The following MAP3K2 variants were observed in gnomAD, a reference collection of about 807,000 sequenced individuals.
MAP3K2 encodes mitogen-activated protein kinase kinase kinase 2, also known as MAP/ERK kinase kinase 2.
Under a neutral mutation model 80.3 loss-of-function variants are expected in MAP3K2, and 24 were observed. That is an observed-to-expected ratio of 0.30 (90% confidence interval 0.22 to 0.42). MAP3K2 has a LOEUF of 0.42. Among genes scored for constraint, MAP3K2 ranks in the 10% least tolerant of loss-of-function variants. The pLI is 1.00. For synonymous variants in MAP3K2, 244 were observed against 253.7 expected, an observed-to-expected ratio of 0.96 and a Z score of 0.36; for missense variants, 608 against 750.1, an observed-to-expected ratio of 0.81 and a Z score of 2.21.
chr2:127,376,374 C>A (rs781307790), intron 1 of MAP3K2, among the ~76,000 whole-genome samples: 1 of 152,154 alleles, frequency 6.6e-6, no homozygotes, highest in Non-Finnish European at 1.5e-5. Flanking sequence ...TGACTCAAGG[C>A]CTTTGTCATT....
At chr2:127,323,862 T>A in intron 11 of MAP3K2, 40 bp downstream of exon 11, 3 of 1,019,878 alleles carry the variant, frequency 2.9e-6, no homozygotes, top group Non-Finnish European at 4.3e-6. Flanking sequence ...GTTGTTGAGA[T>A]TTTTTAACTA....
At chr2:127,326,578 T>G in intron 8 of MAP3K2, 109 bp downstream of exon 8, 2 of 702,070 alleles carry the variant, frequency 2.8e-6, no homozygotes, top group Non-Finnish European at 4.2e-6. Flanking sequence ...TAAGAAGATA[T>G]GTAATTAGAG....
intron 15 of MAP3K2, among the ~76,000 whole-genome samples, chr2:127,314,212 C>A (rs929655870): frequency 2.0e-5 from 3 of 152,158 alleles, no homozygotes; most frequent in Middle Eastern, 3.2e-3. Context: ...CATCAAAGCT[C>A]AGTTTGGGGC....
Position 127,300,396 on chromosome 2 carries a change from A to C in MAP3K2, c.*7183T>G, listed in dbSNP as rs576175728. On this transcript the variant is annotated 3_prime_UTR_variant, in exon 17 of 17. Transcript: ENST00000682094. ...ACATTTAGAGAGAAACCAATAGGTT[A>C]AATATAGAGAATTTAATGGCTACAT... The C allele has an allele frequency of 5.3e-5, 8 of 152,312 alleles. No individual in the cohort carries two copies. Among genetic ancestry groups the C allele is most frequent in the South Asian group, 2.1e-4 (1 of 4,826 alleles). 9.4% of individuals were successfully genotyped at this position (152,312 alleles called of 1,614,324 possible).
chr2:127,324,510 T>C (rs1032723543), intron 9 of MAP3K2, among the ~76,000 whole-genome samples: 1 of 152,238 alleles, frequency 6.6e-6, no homozygotes, highest in African/African-American at 2.4e-5. Context: ...TGTGTTTCAA[T>C]CCAAGCTCTG....
chr2:127,351,627 C>A (rs947975317), intron 1 of MAP3K2, among the ~76,000 whole-genome samples: 2 of 152,078 alleles, frequency 1.3e-5, no homozygotes, highest in Non-Finnish European at 2.9e-5. Context: ...CTACTCCAAG[C>A]CATAATCCTC....
chr2:127,379,477 T>C (rs1472490642), intron 1 of MAP3K2, among the ~76,000 whole-genome samples: 2 of 152,224 alleles, frequency 1.3e-5, no homozygotes, highest in African/African-American at 4.8e-5. Context: ...AAGCTCATAA[T>C]CTTAGCTATT....
intron 1 of MAP3K2, among the ~76,000 whole-genome samples, chr2:127,374,389 G>A (rs1239752681): frequency 6.6e-6 from 1 of 152,144 alleles, no homozygotes. Flanking sequence ...CAATGATCAA[G>A]CAGACCTACA....
intron 12 of MAP3K2, 51 bp from the exon 13 acceptor site, chr2:127,318,368 A>C (rs1685949439): frequency 1.4e-6 from 2 of 1,444,156 alleles, no homozygotes; most frequent in Non-Finnish European, 1.8e-6. Flanking sequence ...ACACAAATAA[A>C]TGGTTAATAA....
At chr2:127,314,200 T>A (rs1316263424) in intron 15 of MAP3K2, among the ~76,000 whole-genome samples, 2 of 151,960 alleles carry the variant, frequency 1.3e-5, no homozygotes, top group African/African-American at 4.8e-5. Context: ...ATAGTTGGGG[T>A]TCATCAAAGC....
At position 127,315,733 on chromosome 2, in the gene MAP3K2, G is replaced by GT. The variant is rs368679545; in HGVS notation, c.1327-851dup. On this transcript the variant is annotated intron_variant, in intron 14 of 16. Transcript: ENST00000682094. ...GAAGGCAGATCACCTGAGGTCAGGA[G>GT]TTCAAGACCAGCCTGGCCAACAGGG... 2.3e-3 allele frequency among the ~76,000 whole-genome samples: 354 copies of GT among 152,328 alleles called. 1 individual carries two copies. The highest frequency in any genetic ancestry group is 7.7e-3 in the African/African-American group (321 of 41,584).
chr2:127,374,435 T>C (rs555363144), intron 1 of MAP3K2, among the ~76,000 whole-genome samples: 39 of 152,266 alleles, frequency 2.6e-4, no homozygotes, highest in African/African-American at 9.1e-4. Flanking sequence ...GCCACCCAAT[T>C]GCAACAATTT....
intron 1 of MAP3K2, among the ~76,000 whole-genome samples, chr2:127,384,949 T>G (rs959231605): frequency 5.3e-5 from 8 of 152,152 alleles, no homozygotes; most frequent in South Asian, 2.1e-4. Context: ...GAAAGTGGCT[T>G]CTTGAGATGG....
At chr2:127,385,153 G>GT (rs1687321718) in intron 1 of MAP3K2, among the ~76,000 whole-genome samples, 1 of 152,208 alleles carries the variant, frequency 6.6e-6, no homozygotes, top group South Asian at 2.1e-4. Context: ...TTATCAAACA[G>GT]TATCACATGC....
Position 127,321,938 on chromosome 2 carries a change from G to C in MAP3K2, c.1045+108C>G. ...GAAACACCATTATTACCTTTTTTGA[G>C]TAGTTCATCTGACCCCAAAAACTCA... On this transcript the variant is annotated intron_variant, in intron 12 of 16. Transcript: ENST00000682094. This position sits in a 1 kb window ranked among gnomAD's most constrained non-coding sequence, Gnocchi z 4.4. The C allele has an allele frequency of 1.1e-6, 1 of 877,282 alleles. No individual in the cohort carries two copies. Among genetic ancestry groups the C allele is most frequent in the Non-Finnish European group, 1.8e-6 (1 of 556,536 alleles). 54.3% of individuals were successfully genotyped at this position (877,282 alleles called of 1,614,324 possible). A position where few individuals can be genotyped will look rare whatever the true frequency, so the allele number is the denominator to read the frequency against.
chr2:127,376,327 G>T (rs1014483438), intron 1 of MAP3K2, among the ~76,000 whole-genome samples: 4 of 151,998 alleles, frequency 2.6e-5, no homozygotes, highest in Non-Finnish European at 4.4e-5. Context: ...GGTGGGAAGG[G>T]GGGGAGCGCA....
Position 127,387,857 on chromosome 2 carries a change from T to TTCG in MAP3K2, c.-474_-472dup, listed in dbSNP as rs1687400724. 1 of 984,792 alleles carries TTCG rather than the reference T, an allele frequency of 1.0e-6. No homozygotes were observed. Among genetic ancestry groups the TTCG allele is most frequent in the Non-Finnish European group, 1.2e-6 (1 of 829,698 alleles). 61.0% of individuals were successfully genotyped at this position (984,792 alleles called of 1,614,324 possible). ...GGCGCCGAGCGTCCTGGTCGTTGTT[T>TTCG]TCGTCGCCGCCGCGGGCCGTGCAAC... On this transcript the variant is annotated 5_prime_UTR_variant, in exon 1 of 17. Coordinates refer to ENST00000682094, the MANE Select transcript of MAP3K2 (RefSeq NM_001371910.2).
chr2:127,304,526 C>A lies in MAP3K2; in HGVS notation c.*3053G>T, dbSNP rs1685659407. The A allele has an allele frequency of 6.6e-6, 1 of 152,358 alleles. No homozygotes were observed. The highest frequency in any genetic ancestry group is 1.5e-5 in the Non-Finnish European group (1 of 68,006). 9.4% of individuals were successfully genotyped at this position (152,358 alleles called of 1,614,324 possible). On this transcript the variant is annotated 3_prime_UTR_variant, in exon 17 of 17. Transcript: ENST00000682094. ...ACCAAAAAGTCTGCCACTGTCAAAG[C>A]AGAATGCATTTTAAAGGCACAAAGT... is the stretch of plus-strand genomic sequence containing the variant.
intron 1 of MAP3K2, among the ~76,000 whole-genome samples, chr2:127,355,055 A>G (rs1331971590): frequency 6.6e-6 from 1 of 152,154 alleles, no homozygotes; most frequent in Middle Eastern, 3.2e-3. Flanking sequence ...ATAAGCAGAC[A>G]CTAAGACAAA....
Sources: gnomAD v4.1 joint callset for allele counts (sites outside exome capture counted in the v4.1 genomes callset) on GRCh38, gnomAD v4.1.1 for gene constraint, Gnocchi (gnomAD v3.1) non-coding constraint, MANE v1.5 for transcripts, NCBI Gene and HGNC (gene_info 2026-07-23, HGNC 2026-07-21) for gene names.